Variants in LUZP2 observed in about 807,000 individuals in gnomAD.
LUZP2 encodes the protein leucine zipper protein 2.
A neutral mutation model predicts 51.6 loss-of-function variants in LUZP2; 52 were observed. The observed-to-expected ratio is 1.01, with a 90% CI of 0.81 to 1.27. The LOEUF is 1.27. Ranked by LOEUF, LUZP2 falls within the 50% of genes most tolerant of loss-of-function variation. LUZP2 has a pLI of 0.00. For missense variants in LUZP2, 436 were observed against 395.4 expected, an observed-to-expected ratio of 1.10 and a Z score of -0.87; for synonymous variants, 154 against 137.3, an observed-to-expected ratio of 1.12 and a Z score of -0.85.
intron 1 of LUZP2, among the ~76,000 whole-genome samples, chr11:24,548,444 G>T (rs1402693096): frequency 6.6e-6 from 1 of 151,984 alleles, no homozygotes; most frequent in East Asian, 1.9e-4. Flanking sequence ...GAGAATTAAT[G>T]CAGGAAGAGA....
chr11:24,536,132 G>A (rs1422291702), intron 1 of LUZP2, among the ~76,000 whole-genome samples: 1 of 151,722 alleles, frequency 6.6e-6, no homozygotes, highest in Non-Finnish European at 1.5e-5. Flanking sequence ...AAACAGATAT[G>A]CTGTCATTTG....
At chr11:25,006,702 C>T (rs112225788) in intron 9 of LUZP2, among the ~76,000 whole-genome samples, 161 of 152,282 alleles carry the variant, frequency 1.1e-3, no homozygotes, top group African/African-American at 3.6e-3. Context: ...TCGATAGTCC[C>T]ATCTGGGTCA....
chr11:24,716,668 G>A (rs572229496), intron 1 of LUZP2, among the ~76,000 whole-genome samples: 8 of 152,204 alleles, frequency 5.3e-5, no homozygotes, highest in East Asian at 3.9e-4. Flanking sequence ...AGTCCAAGGC[G>A]GACGGATCAC....
intron 6 of LUZP2, among the ~76,000 whole-genome samples, chr11:24,907,707 A>G (rs1197098091): frequency 6.6e-6 from 1 of 152,196 alleles, no homozygotes; most frequent in Non-Finnish European, 1.5e-5. Context: ...ACACTCATGT[A>G]TATGAAAGAG....
At chr11:24,710,389 C>T (rs1857765215) in intron 1 of LUZP2, among the ~76,000 whole-genome samples, 1 of 152,050 alleles carries the variant, frequency 6.6e-6, no homozygotes, top group Non-Finnish European at 1.5e-5. Context: ...TTGCTCCTAT[C>T]AGTCACCAAG....
chr11:24,811,209 A>C (rs1850009330), intron 5 of LUZP2, among the ~76,000 whole-genome samples: 1 of 152,138 alleles, frequency 6.6e-6, no homozygotes, highest in Non-Finnish European at 1.5e-5. Flanking sequence ...TAGCCACCAA[A>C]TTTAGAAGTG....
intron 3 of LUZP2, among the ~76,000 whole-genome samples, chr11:24,736,903 C>G (rs1027644232): frequency 4.7e-4 from 71 of 152,116 alleles, no homozygotes; most frequent in African/African-American, 1.5e-3. Flanking sequence ...TGTAATTATT[C>G]TATAACTTGT....
chr11:24,882,484 C>T (rs1273301205), intron 5 of LUZP2, among the ~76,000 whole-genome samples: 4 of 151,942 alleles, frequency 2.6e-5, no homozygotes, highest in African/African-American at 9.7e-5. Flanking sequence ...TTAGGATATG[C>T]TCTTGGTGTT....
At chr11:24,619,799 GAAT>G (rs932398610) in intron 1 of LUZP2, among the ~76,000 whole-genome samples, 1 of 151,906 alleles carries the variant, frequency 6.6e-6, no homozygotes, top group African/African-American at 2.4e-5. Flanking sequence ...ATTGTTTAGG[GAAT>G]AATAATAAGA....
At chr11:24,520,096 C>T (rs1198049455) in intron 1 of LUZP2, among the ~76,000 whole-genome samples, 1 of 152,110 alleles carries the variant, frequency 6.6e-6, no homozygotes, top group East Asian at 1.9e-4. Flanking sequence ...ATAAAATCCA[C>T]AAGATCTTTA....
Position 24,538,652 on chromosome 11 carries a change from A to ATGTG in LUZP2, c.62+41361_62+41364dup, listed in dbSNP as rs10627420. Among the ~76,000 whole-genome samples the ATGTG allele has an allele frequency of 1.3e-3, 184 of 146,364 alleles. 2 individuals are homozygous for ATGTG. Among genetic ancestry groups the ATGTG allele is most frequent in the Admixed American group, 1.9e-3 (28 of 14,418 alleles). On this transcript the variant is annotated intron_variant, in intron 1 of 11. Coordinates refer to ENST00000336930, the MANE Select transcript of LUZP2 (RefSeq NM_001009909.4). ...ATATGTGTATTTATGTGTTTTTTAT[A>ATGTG]TGTGTGTGTGTGTGTGTATATATAT...
Position 24,588,572 on chromosome 11 carries a change from C to T in LUZP2, c.62+91267C>T, listed in dbSNP as rs138923715. Among the ~76,000 whole-genome samples the T allele has an allele frequency of 3.7e-3, 569 of 152,004 alleles. 3 individuals carry two copies. Among genetic ancestry groups the T allele is most frequent in the Non-Finnish European group, 6.4e-3 (437 of 67,956 alleles). ...TTAAGCCATCAGGGAAATAATTCAG[C>T]CTATTACCCATCTCTAAATTCCAAG... On this transcript the variant is annotated intron_variant, in intron 1 of 11. Coordinates refer to ENST00000336930, the MANE Select transcript of LUZP2 (RefSeq NM_001009909.4).
intron 5 of LUZP2, among the ~76,000 whole-genome samples, chr11:24,893,517 TAAC>T (rs972621447): frequency 6.6e-6 from 1 of 152,094 alleles, no homozygotes; most frequent in Non-Finnish European, 1.5e-5. Flanking sequence ...TTTATTAAAA[TAAC>T]AACAGAGATC....
intron 1 of LUZP2, among the ~76,000 whole-genome samples, chr11:24,626,381 A>G (rs1006042170): frequency 1.3e-5 from 2 of 152,236 alleles, no homozygotes; most frequent in Admixed American, 6.5e-5. Flanking sequence ...CCTGCTTACA[A>G]TCAGGAGAAA....
intron 9 of LUZP2, among the ~76,000 whole-genome samples, chr11:25,046,780 A>T (rs890776613): frequency 3.3e-5 from 5 of 152,172 alleles, no homozygotes; most frequent in South Asian, 2.1e-4. Flanking sequence ...TACATTTTTT[A>T]AAATCTTATA....
chr11:25,071,469 A>G (rs1859156198), intron 10 of LUZP2, among the ~76,000 whole-genome samples: 2 of 152,196 alleles, frequency 1.3e-5, no homozygotes, highest in Admixed American at 1.3e-4. Context: ...TTTATATTTA[A>G]ATGTAGTTTA....
chr11:24,629,589 C>T (rs1159305090), intron 1 of LUZP2, among the ~76,000 whole-genome samples: 1 of 143,444 alleles, frequency 7.0e-6, no homozygotes, highest in Non-Finnish European at 1.5e-5. Context: ...TTTATCTAAC[C>T]ATCCGTTGAT....
At chr11:24,671,477 A>G (rs1453963236) in intron 1 of LUZP2, among the ~76,000 whole-genome samples, 1 of 152,054 alleles carries the variant, frequency 6.6e-6, no homozygotes, top group Non-Finnish European at 1.5e-5. Context: ...CAGCTATAAC[A>G]AAATGCTAGG....
At chr11:24,586,615 C>T (rs1184395350) in intron 1 of LUZP2, among the ~76,000 whole-genome samples, 1 of 151,956 alleles carries the variant, frequency 6.6e-6, no homozygotes, top group Non-Finnish European at 1.5e-5. Context: ...TTTTCCCATG[C>T]TTAATAAAAT....
Sources: gnomAD v4.1 joint callset for allele counts (sites outside exome capture counted in the v4.1 genomes callset) on GRCh38, gnomAD v4.1.1 for gene constraint, MANE v1.5 for transcripts, NCBI Gene and HGNC (gene_info 2026-07-23, HGNC 2026-07-21) for gene names.